Variants in ARMC3 observed in about 807,000 individuals in gnomAD.
The protein encoded by ARMC3 is armadillo repeat-containing protein 3.
ARMC3 carries 74 observed loss-of-function variants against 90.3 expected under a neutral mutation model. That is an observed-to-expected ratio of 0.82 (90% CI 0.68 to 0.99). ARMC3 has a LOEUF of 0.99. Among genes scored for constraint, ARMC3 ranks in the 50% least tolerant of loss-of-function variants. ARMC3 has a pLI of 0.00. For missense variants in ARMC3, 958 were observed against 1,042.8 expected, an observed-to-expected ratio of 0.92 and a Z score of 1.12; for synonymous variants, 334 against 361.8, an observed-to-expected ratio of 0.92 and a Z score of 0.87.
intron 10 of ARMC3, among the ~76,000 whole-genome samples, chr10:22,995,760 A>T (rs987564583): frequency 6.6e-6 from 1 of 152,238 alleles, no homozygotes; most frequent in East Asian, 1.9e-4. Context: ...TTAGTTTTCA[A>T]GATGAAAGAA....
intron 18 of ARMC3, among the ~76,000 whole-genome samples, chr10:23,033,661 T>C (rs1839010497): frequency 6.6e-6 from 1 of 152,116 alleles, no homozygotes; most frequent in African/African-American, 2.4e-5. Context: ...ACAGTAGCCA[T>C]TGAAAGTTTT....
chr10:22,948,046 A>G (rs964783134), intron 3 of ARMC3, among the ~76,000 whole-genome samples: 1 of 152,106 alleles, frequency 6.6e-6, no homozygotes, highest in African/African-American at 2.4e-5. Context: ...GATAGGGACA[A>G]TTTTGTTTTA....
intron 18 of ARMC3, among the ~76,000 whole-genome samples, chr10:23,034,653 C>T (rs906080685): frequency 1.3e-5 from 2 of 152,154 alleles, no homozygotes; most frequent in South Asian, 2.1e-4. Flanking sequence ...TCCTAACTCA[C>T]GGCCATCTGG....
chr10:23,036,368 T>C (rs1172804579), intron 18 of ARMC3, among the ~76,000 whole-genome samples: 1 of 152,154 alleles, frequency 6.6e-6, no homozygotes, highest in Non-Finnish European at 1.5e-5. Context: ...CAGTAATAAA[T>C]AAATTAATAT....
chr10:22,931,926 T>C, intron 1 of ARMC3, 70 bp from the exon 2 acceptor site: 2 of 1,374,764 alleles, frequency 1.5e-6, no homozygotes, highest in South Asian at 1.3e-5. Flanking sequence ...AAACCTCCTC[T>C]CAAGGGCACA....
intron 16 of ARMC3, among the ~76,000 whole-genome samples, chr10:23,027,772 C>T (rs1175798070): frequency 6.6e-6 from 1 of 152,042 alleles, no homozygotes; most frequent in Non-Finnish European, 1.5e-5. Flanking sequence ...CTGTCTGGGA[C>T]TTTGATGACA....
chr10:22,962,139 A>G (rs1835227291), intron 7 of ARMC3, 61 bp downstream of exon 7: 1 of 1,269,820 alleles, frequency 7.9e-7, no homozygotes, highest in Non-Finnish European at 1.0e-6. Context: ...AATGTTTAAA[A>G]ATGAAATTTT....
At chr10:23,037,002 C>T (rs546183138) in intron 18 of ARMC3, among the ~76,000 whole-genome samples, 148 of 152,310 alleles carry the variant, frequency 9.7e-4, no homozygotes, top group Middle Eastern at 3.4e-3. Context: ...CAATCACCCT[C>T]GCCATCTGAT....
At chr10:23,001,018 T>C (rs1346816573) in intron 11 of ARMC3, among the ~76,000 whole-genome samples, 3 of 152,194 alleles carry the variant, frequency 2.0e-5, no homozygotes, top group African/African-American at 7.2e-5. Context: ...TCTTCTCCTC[T>C]TCAGTCCTTT....
At chr10:22,947,009 A>G (rs1834557051) in intron 3 of ARMC3, among the ~76,000 whole-genome samples, 1 of 151,738 alleles carries the variant, frequency 6.6e-6, no homozygotes, top group Non-Finnish European at 1.5e-5. Context: ...ATAAAAATAT[A>G]TATATACAAA....
chr10:23,031,988 A>C lies in ARMC3; in HGVS notation c.2247-873A>C, dbSNP rs147149805. Among the ~76,000 whole-genome samples the C allele has an allele frequency of 8.5e-5, 13 of 152,294 alleles. 1 individual carries two copies. Among genetic ancestry groups the C allele is most frequent in the African/African-American group, 3.1e-4 (13 of 41,560 alleles). ...CAATTTGGGCCAGGCACGCTAGCTC[A>C]TGCTTGTAATCCCAGTGCTTTGGGA... On this transcript the variant is annotated intron_variant, in intron 17 of 18. Transcript: ENST00000298032.
Position 23,037,504 on chromosome 10 carries a change from C to T in ARMC3, c.*25C>T. On this transcript the variant is annotated 3_prime_UTR_variant, in exon 19 of 19. Coordinates refer to ENST00000298032, the MANE Select transcript of ARMC3 (RefSeq NM_173081.5). ...AGCCATCAGACGAACACAAGAGAGG[C>T]TCAAACAAGAAATTCACTGTGTACA... 1.3e-6 allele frequency: 2 copies of T among 1,588,524 alleles called. No individual in the cohort carries two copies. The highest frequency in any genetic ancestry group is 2.3e-5 in the South Asian group (2 of 88,096).
At chr10:23,017,714 C>T (rs545567575) in intron 16 of ARMC3, among the ~76,000 whole-genome samples, 43 of 152,334 alleles carry the variant, frequency 2.8e-4, no homozygotes, top group Middle Eastern at 3.4e-3. Flanking sequence ...TGCAGTGAGC[C>T]AAGATCGCAC....
intron 16 of ARMC3, among the ~76,000 whole-genome samples, chr10:23,016,657 G>T (rs977204120): frequency 6.6e-6 from 1 of 152,080 alleles, no homozygotes; most frequent in African/African-American, 2.4e-5. Flanking sequence ...ATATAACCTG[G>T]CAGACTTCAT....
intron 16 of ARMC3, among the ~76,000 whole-genome samples, chr10:23,022,376 T>A (rs531136698): frequency 7.9e-5 from 12 of 152,220 alleles, no homozygotes; most frequent in Non-Finnish European, 1.8e-4. Context: ...ACAGACTAGT[T>A]TTTCTTTGCT....
intron 16 of ARMC3, among the ~76,000 whole-genome samples, chr10:23,012,218 A>T (rs927764837): frequency 6.6e-6 from 1 of 152,176 alleles, no homozygotes; most frequent in Admixed American, 6.5e-5. Context: ...ATCTTCACAC[A>T]GCTATAGTTT....
intron 10 of ARMC3, among the ~76,000 whole-genome samples, chr10:22,996,466 G>A (rs189414674): frequency 1.3e-5 from 2 of 152,124 alleles, no homozygotes; most frequent in African/African-American, 4.8e-5. Flanking sequence ...AATTTTAAGG[G>A]ACGTCATCCT....
At chr10:22,953,905 T>C (rs1208754476) in intron 3 of ARMC3, among the ~76,000 whole-genome samples, 3 of 152,242 alleles carry the variant, frequency 2.0e-5, no homozygotes, top group Non-Finnish European at 4.4e-5. Context: ...CTGGGTCATA[T>C]GGTAGGTGTA....
At chr10:23,028,031 A>G (rs1838784553) in intron 16 of ARMC3, among the ~76,000 whole-genome samples, 1 of 152,108 alleles carries the variant, frequency 6.6e-6, no homozygotes, top group Non-Finnish European at 1.5e-5. Flanking sequence ...GCTCCCAGCT[A>G]CTCAGGAGGC....
Sources: gnomAD v4.1 joint callset for allele counts (sites outside exome capture counted in the v4.1 genomes callset) on GRCh38, gnomAD v4.1.1 for gene constraint, MANE v1.5 for transcripts, NCBI Gene and HGNC (gene_info 2026-07-23, HGNC 2026-07-21) for gene names.